Variants in SMARCA4 observed in about 807,000 individuals in gnomAD.
The protein encoded by SMARCA4 is SWI/SNF related BAF chromatin remodeling complex subunit ATPase 4.
SMARCA4 carries 31 observed loss-of-function variants against 193.9 expected under a neutral mutation model. That is an observed-to-expected ratio of 0.16 (90% CI 0.12 to 0.22). The LOEUF (loss-of-function observed/expected upper bound fraction) is 0.22. Ranked by LOEUF, SMARCA4 falls within the 10% of genes least tolerant of loss-of-function variation. The probability of loss-of-function intolerance (pLI) is 1.00; values close to 1 mark genes in which losing one functional copy is unlikely to be tolerated. For missense variants in SMARCA4, 1,148 were observed against 2,296.0 expected (o/e 0.50, Z 10.22); for synonymous variants, 942 against 933.1 (o/e 1.01, Z -0.17).
At chr19:11,029,304 A>G (rs2090479158) in intron 24 of SMARCA4, among the ~76,000 whole-genome samples, 1 of 152,158 alleles carries the variant, frequency 6.6e-6, no homozygotes, top group Non-Finnish European at 1.5e-5. Context: ...TGACTCCCCC[A>G]GGAGAGAGCC....
intron 1 of SMARCA4, among the ~76,000 whole-genome samples, chr19:10,980,380 G>T (rs918718472): frequency 6.6e-6 from 1 of 152,084 alleles, no homozygotes; most frequent in Non-Finnish European, 1.5e-5. Context: ...CTGTTTTTCC[G>T]TTGACAAAGT....
chr19:10,986,727 T>C lies in SMARCA4; in HGVS notation c.760+134T>C. ...ATTGCACGGGCCCATACTGCACTTC[T>C]GGGTGCTCGGGTGGTGGGGGCAGCT... On this transcript the variant is annotated intron_variant, in intron 4 of 34. Coordinates refer to ENST00000344626, the MANE Select transcript of SMARCA4 (RefSeq NM_003072.5). The surrounding 1 kb of genome is among the most constrained non-coding windows in gnomAD (Gnocchi z 6.7). 7.2e-7 allele frequency: 1 copy of C among 1,381,448 alleles called. No homozygotes were observed. The highest frequency in any genetic ancestry group is 9.9e-7 in the Non-Finnish European group (1 of 1,010,590). The allele number at this position is 1,381,448 out of a possible 1,614,324, so 85.6% of individuals were successfully genotyped here.
chr19:11,031,921 G>A lies in SMARCA4; in HGVS notation c.3546+1028G>A, dbSNP rs1568506173. On this transcript the variant is annotated intron_variant, in intron 25 of 34. Transcript: ENST00000344626. This position sits in a 1 kb window ranked among gnomAD's most constrained non-coding sequence, Gnocchi z 4.3. ...CTACGCTGGGGTGTGAATGTACCCT[G>A]CCCTTCCCTGCAGCGTGAGGGCAGC... 1 of 152,240 alleles carries A rather than the reference G, an allele frequency of 6.6e-6. No individual in the cohort carries two copies. The highest frequency in any genetic ancestry group is 1.5e-5 in the Non-Finnish European group (1 of 68,060). 9.4% of individuals were successfully genotyped at this position (152,240 alleles called of 1,614,324 possible). A position where few individuals can be genotyped will look rare whatever the true frequency, so the allele number is the denominator to read the frequency against.
chr19:11,025,037 C>CA (rs1312154230), intron 21 of SMARCA4, among the ~76,000 whole-genome samples: 2 of 142,326 alleles, frequency 1.4e-5, no homozygotes, highest in Non-Finnish European at 3.1e-5. Context: ...AGCCCTGAGT[C>CA]ATGGCTCACC....
At chr19:11,044,639 A>T (rs985293220) in intron 30 of SMARCA4, among the ~76,000 whole-genome samples, 1 of 152,214 alleles carries the variant, frequency 6.6e-6, no homozygotes, top group Non-Finnish European at 1.5e-5. Flanking sequence ...CAGTGCTGGC[A>T]AGTCTGAAGC....
intron 30 of SMARCA4, among the ~76,000 whole-genome samples, chr19:11,051,178 C>T (rs1231289938): frequency 6.6e-6 from 1 of 152,246 alleles, no homozygotes; most frequent in African/African-American, 2.4e-5. Flanking sequence ...GTTTGTGAGT[C>T]GGGCCCTACC....
intron 9 of SMARCA4, 90 bp downstream of exon 9, chr19:10,995,091 C>T: frequency 3.3e-6 from 4 of 1,224,216 alleles, no homozygotes; most frequent in Non-Finnish European, 4.7e-6. Context: ...TACGCCAAGG[C>T]ATTTCACAGC....
At chr19:11,005,151 C>G (rs1251558062) in intron 13 of SMARCA4, among the ~76,000 whole-genome samples, 2 of 152,068 alleles carry the variant, frequency 1.3e-5, no homozygotes, top group Non-Finnish European at 2.9e-5. Context: ...TATTTTTTTG[C>G]TTACCTCTTC....
In SMARCA4 at chr19:11,010,498, G is replaced by C. The variant is rs1236572142; in HGVS notation, c.2241G>C (p.Ala747=). ...AVTERVDKQS[A]LMVNGVLKQY... ...CTGAGAGAGTGGACAAGCAGTCAGC[G>C]CTTATGGTCAATGGTGTCCTCAAAC... The change falls in exon 15 of 35, where the codon GCG becomes GCC. Residue 747 remains alanine (A), a synonymous_variant. Coordinates refer to ENST00000344626, the MANE Select transcript of SMARCA4 (RefSeq NM_003072.5). The C allele has an allele frequency of 6.2e-7, 1 of 1,614,052 alleles. No individual in the cohort carries two copies. Among genetic ancestry groups the C allele is most frequent in the South Asian group, 1.1e-5 (1 of 91,092 alleles).
In SMARCA4 at chr19:10,985,311, C is replaced by G. The variant is rs2145749616; in HGVS notation, c.261C>G (p.Asp87Glu). The G allele has an allele frequency of 6.2e-7, 1 of 1,614,056 alleles. No individual in the cohort carries two copies. Among genetic ancestry groups the G allele is most frequent in the Non-Finnish European group, 8.5e-7 (1 of 1,180,010 alleles). ...TGCATGAGAAGGGCATGTCGGACGA[C>G]CCGCGCTACAACCAGATGAAAGGAA... is the stretch of plus-strand genomic sequence containing the variant. ...ESMHEKGMSD[D>E]PRYNQMKGMG... Residue 87 changes from aspartate (D) to glutamate (E), a missense_variant, in exon 3 of 35, where the codon GAC (aspartate) becomes GAG (glutamate). Transcript: ENST00000344626. This position sits in a 1 kb window ranked among gnomAD's most constrained non-coding sequence, Gnocchi z 4.5.
At position 10,989,415 on chromosome 19, in the gene SMARCA4, C is replaced by T. The variant is rs2145849502; in HGVS notation, c.1217C>T (p.Ala406Val). The change falls in exon 7 of 35, where the codon GCC becomes GTC. Residue 406 changes from alanine (A) to valine (V), a missense_variant. Physicochemically the swap from Ala to Val is moderately conservative, Grantham distance 64. Transcript: ENST00000344626. ...ACCAAAGCGACCATTGAGCTCAAGG[C>T]CCTCAGGCTGCTGAACTTCCAGAGG... is the stretch of plus-strand genomic sequence containing the variant. ...LRTKATIELK[A>V]LRLLNFQRQL... 1 of 1,614,144 alleles carries T rather than the reference C, an allele frequency of 6.2e-7. No individual in the cohort carries two copies. The highest frequency in any genetic ancestry group is 8.5e-7 in the Non-Finnish European group (1 of 1,180,004).
chr19:11,008,160 A>G, intron 14 of SMARCA4, 137 bp downstream of exon 14: 1 of 811,754 alleles, frequency 1.2e-6, no homozygotes, highest in Non-Finnish European at 2.1e-6. Flanking sequence ...TACAGAGACC[A>G]AATTTATTTA....
chr19:11,003,576 G>A (rs1458153888), intron 13 of SMARCA4, among the ~76,000 whole-genome samples, 179 bp downstream of exon 13: 1 of 152,152 alleles, frequency 6.6e-6, no homozygotes, highest in Non-Finnish European at 1.5e-5. Flanking sequence ...GCAGCTTCTG[G>A]CGACATGTGA....
chr19:11,052,938 A>C (rs984765723), intron 30 of SMARCA4, among the ~76,000 whole-genome samples: 2 of 152,186 alleles, frequency 1.3e-5, no homozygotes, highest in Non-Finnish European at 2.9e-5. Context: ...CCCGCCTCGC[A>C]GTGTTGGGGC....
chr19:11,016,522 A>G (rs537646930), intron 16 of SMARCA4, among the ~76,000 whole-genome samples: 3 of 152,256 alleles, frequency 2.0e-5, no homozygotes, highest in South Asian at 2.1e-4. Flanking sequence ...CGTCTCCCCC[A>G]TGTGCTTGTT....
At chr19:11,023,482 G>C in intron 19 of SMARCA4, 36 bp from the exon 20 acceptor site, 2 of 1,345,680 alleles carry the variant, frequency 1.5e-6, no homozygotes, top group Non-Finnish European at 2.1e-6. Context: ...CTCCTTTGGA[G>C]GTAACGCTTG....
In SMARCA4 at chr19:11,031,330, A is replaced by AC. The variant is rs2074918424; in HGVS notation, c.3546+441dup. 8.4e-6 allele frequency: 2 copies of AC among 237,638 alleles called. No homozygotes were observed. The highest frequency in any genetic ancestry group is 4.4e-5 in the African/African-American group (2 of 45,032). The allele number at this position is 237,638 out of a possible 1,614,324, so 14.7% of individuals were successfully genotyped here. ...TCCTCCTCTTGTTCCATAACCATGTACCCCTCATGGGCCTCGGCATCGGTG... is the reference window on the plus strand; with the variant it reads ...TCCTCCTCTTGTTCCATAACCATGTACCCCCTCATGGGCCTCGGCATCGGTG... On this transcript the variant is annotated intron_variant, in intron 25 of 34. Transcript: ENST00000344626. This position sits in a 1 kb window ranked among gnomAD's most constrained non-coding sequence, Gnocchi z 4.3.
chr19:10,965,506 C>G (rs909434963), intron 1 of SMARCA4, among the ~76,000 whole-genome samples: 1 of 152,202 alleles, frequency 6.6e-6, no homozygotes, highest in Non-Finnish European at 1.5e-5. Context: ...GCAAAGGAGT[C>G]AGCTCCTCCA....
chr19:11,016,845 T>C (rs1188208866), intron 16 of SMARCA4, among the ~76,000 whole-genome samples: 5 of 152,138 alleles, frequency 3.3e-5, no homozygotes, highest in Admixed American at 3.3e-4. Flanking sequence ...TTCTTGCTTT[T>C]TGGCACCAAG....
Sources: gnomAD v4.1 joint callset for allele counts (sites outside exome capture counted in the v4.1 genomes callset) on GRCh38, gnomAD v4.1.1 for gene constraint, Gnocchi (gnomAD v3.1) non-coding constraint, MANE v1.5 for transcripts, NCBI Gene and HGNC (gene_info 2026-07-23, HGNC 2026-07-21) for gene names.